BABAM2: variants seen among roughly 807,000 people sequenced by gnomAD.
BABAM2 encodes the protein BRISC and BRCA1-A complex member 2.
A neutral mutation model predicts 54.7 loss-of-function variants in BABAM2; 31 were observed. The ratio of observed to expected loss-of-function variants is 0.57; its 90% CI spans 0.43 to 0.77. BABAM2 has a LOEUF of 0.77. BABAM2 is among the 30% of genes least tolerant of loss of function. The pLI is 0.00. For missense variants in BABAM2, 364 were observed against 455.8 expected (o/e 0.80, Z 1.83); for synonymous variants, 167 against 162.9 (o/e 1.03, Z -0.19).
chr2:28,206,510 G>A (rs1009497565), intron 7 of BABAM2, among the ~76,000 whole-genome samples: 4 of 152,026 alleles, frequency 2.6e-5, no homozygotes, highest in Admixed American at 6.5e-5. Context: ...TTTTTCTTCC[G>A]GGTTCTTGAT....
At chr2:28,018,901 T>C (rs916656333) in intron 4 of BABAM2, among the ~76,000 whole-genome samples, 5 of 152,198 alleles carry the variant, frequency 3.3e-5, no homozygotes, top group Non-Finnish European at 5.9e-5. Flanking sequence ...GTTATATAGG[T>C]ATATATGAAC....
intron 6 of BABAM2, among the ~76,000 whole-genome samples, chr2:28,101,555 G>A (rs1390253270): frequency 1.3e-5 from 2 of 152,160 alleles, no homozygotes; most frequent in South Asian, 2.1e-4. Flanking sequence ...TTTCCAAGCT[G>A]TGAATTACAG....
upstream of BABAM2, chr2:27,890,101 G>A (rs1664692422): frequency 4.9e-6 from 3 of 615,226 alleles, no homozygotes; most frequent in Non-Finnish European, 8.5e-6. The surrounding 1 kb of genome is among the most constrained non-coding windows in gnomAD (Gnocchi z 4.8). Flanking sequence ...TTCATGCCAG[G>A]AAGGTAGGCT....
At chr2:27,896,185 T>C (rs1665303208) in intron 2 of BABAM2, 1 of 152,488 alleles carries the variant, frequency 6.6e-6, no homozygotes, top group Non-Finnish European at 1.5e-5. Context: ...CAAATGAAGC[T>C]GTTGATATGG....
intron 11 of BABAM2, among the ~76,000 whole-genome samples, chr2:28,333,035 A>G (rs565072045): frequency 6.6e-6 from 1 of 152,232 alleles, no homozygotes; most frequent in African/African-American, 2.4e-5. Flanking sequence ...CCGCTTCGGC[A>G]CACACGCGTT....
intron 7 of BABAM2, among the ~76,000 whole-genome samples, chr2:28,161,743 G>C (rs533714853): frequency 1.3e-5 from 2 of 152,018 alleles, no homozygotes; most frequent in East Asian, 3.9e-4. Flanking sequence ...GCTCTTTTGC[G>C]GTCAAAAAGT....
intron 3 of BABAM2, among the ~76,000 whole-genome samples, chr2:27,953,696 C>T (rs1034589993): frequency 2.6e-5 from 4 of 151,132 alleles, no homozygotes; most frequent in Admixed American, 6.6e-5. Flanking sequence ...AGGGCTAGCT[C>T]GTAAAAGGAA....
chr2:28,160,242 A>G (rs1261869277), intron 7 of BABAM2, among the ~76,000 whole-genome samples: 3 of 152,324 alleles, frequency 2.0e-5, no homozygotes, highest in African/African-American at 7.2e-5. Flanking sequence ...TCAGTCTGCC[A>G]AAAACCTGGG....
chr2:27,927,647 A>T (rs566660016), intron 2 of BABAM2, among the ~76,000 whole-genome samples: 5 of 152,150 alleles, frequency 3.3e-5, no homozygotes, highest in East Asian at 3.9e-4. Flanking sequence ...ACTCTGAGAA[A>T]TTTTTTTTAT....
intron 6 of BABAM2, among the ~76,000 whole-genome samples, chr2:28,109,545 C>G (rs1385868782): frequency 6.6e-6 from 1 of 152,120 alleles, no homozygotes; most frequent in Non-Finnish European, 1.5e-5. Flanking sequence ...AGGCTGTCAA[C>G]CGCTGAATCA....
intron 6 of BABAM2, among the ~76,000 whole-genome samples, chr2:28,110,481 A>C (rs868178498): frequency 2.5e-4 from 38 of 152,048 alleles, no homozygotes; most frequent in Admixed American, 5.2e-4. Flanking sequence ...AAAATTAGCC[A>C]GGCATGGTGG....
intron 4 of BABAM2, among the ~76,000 whole-genome samples, chr2:27,994,048 G>A (rs944004271): frequency 1.3e-5 from 2 of 152,198 alleles, no homozygotes; most frequent in African/African-American, 4.8e-5. Context: ...TTTTAAAATA[G>A]AATGTTCTCT....
At chr2:28,287,512 C>T (rs756676657) in intron 10 of BABAM2, among the ~76,000 whole-genome samples, 1 of 152,134 alleles carries the variant, frequency 6.6e-6, no homozygotes, top group Non-Finnish European at 1.5e-5. Context: ...CACTACCTAC[C>T]GTGTGTCTAA....
At chr2:28,194,104 C>T (rs1477706294) in intron 7 of BABAM2, among the ~76,000 whole-genome samples, 3 of 152,070 alleles carry the variant, frequency 2.0e-5, no homozygotes, top group East Asian at 1.9e-4. Flanking sequence ...GGGAACAGCA[C>T]GTGCAGAATG....
chr2:28,074,673 C>T (rs537992029), intron 6 of BABAM2, among the ~76,000 whole-genome samples: 46 of 152,096 alleles, frequency 3.0e-4, no homozygotes, highest in Non-Finnish European at 4.9e-4. Context: ...TTCTCACTAT[C>T]TTTTTTCTTT....
chr2:28,002,060 T>TTAA (rs1553409728), intron 4 of BABAM2, among the ~76,000 whole-genome samples: 1 of 140,040 alleles, frequency 7.1e-6, no homozygotes, highest in Non-Finnish European at 1.5e-5. Flanking sequence ...ATCAAACAGG[T>TTAA]AAAAAAAAAA....
chr2:27,979,879 T>A (rs1671881074), intron 3 of BABAM2, among the ~76,000 whole-genome samples: 1 of 152,172 alleles, frequency 6.6e-6, no homozygotes, highest in African/African-American at 2.4e-5. Flanking sequence ...GAGTAGGAGA[T>A]ATGGTCCACT....
intron 2 of BABAM2, among the ~76,000 whole-genome samples, chr2:27,914,490 T>A (rs1666824638): frequency 6.6e-6 from 1 of 152,222 alleles, no homozygotes; most frequent in Non-Finnish European, 1.5e-5. Flanking sequence ...GTCTCTATAC[T>A]TCTTAAAGTG....
At chr2:28,256,315 G>A (rs1683971990) in intron 10 of BABAM2, among the ~76,000 whole-genome samples, 1 of 152,124 alleles carries the variant, frequency 6.6e-6, no homozygotes, top group African/African-American at 2.4e-5. Flanking sequence ...AAAAATACCT[G>A]TGATTTCTAT....
Sources: allele counts gnomAD v4.1 joint callset (sites outside exome capture counted in the v4.1 genomes callset), GRCh38; gene constraint gnomAD v4.1.1; non-coding constraint Gnocchi (gnomAD v3.1); transcripts MANE v1.5; gene names NCBI Gene and HGNC (gene_info 2026-07-23, HGNC 2026-07-21).